CSMD1: variants seen among roughly 807,000 people sequenced by gnomAD.
CSMD1 encodes CUB and sushi domain-containing protein 1.
A neutral mutation model predicts 417.5 loss-of-function variants in CSMD1; 213 were observed. The observed-to-expected ratio is 0.51, with a 90% CI of 0.46 to 0.57. CSMD1 has a LOEUF of 0.57. Among genes scored for constraint, CSMD1 ranks in the 20% least tolerant of loss-of-function variants. CSMD1 has a pLI of 0.00. For synonymous variants in CSMD1, 2,862 were observed against 1,736.8 expected (o/e 1.65, Z -16.11); for missense variants, 6,923 against 4,529.7 (o/e 1.53, Z -15.17).
intron 40 of CSMD1, among the ~76,000 whole-genome samples, chr8:3,150,028 G>C (rs1819096196): frequency 6.6e-6 from 1 of 152,172 alleles, no homozygotes; most frequent in South Asian, 2.1e-4. Flanking sequence ...AGTTCAATAA[G>C]TTCATGTCTC....
intron 3 of CSMD1, among the ~76,000 whole-genome samples, chr8:4,055,205 T>C (rs1322302257): frequency 1.3e-5 from 2 of 152,210 alleles, no homozygotes; most frequent in Non-Finnish European, 2.9e-5. Context: ...AATTTTCTTA[T>C]TCAATTTTTA....
intron 3 of CSMD1, among the ~76,000 whole-genome samples, chr8:4,286,657 T>C (rs553067404): frequency 1.1e-4 from 16 of 152,158 alleles, no homozygotes; most frequent in Non-Finnish European, 1.5e-4. Context: ...AGAAAGGGGA[T>C]AGCAATCATA....
intron 8 of CSMD1, among the ~76,000 whole-genome samples, chr8:3,616,263 T>C (rs968209499): frequency 2.0e-5 from 3 of 152,172 alleles, no homozygotes; most frequent in African/African-American, 4.8e-5. Context: ...GTTACCCTCA[T>C]GCTGTTCTCA....
chr8:3,851,733 AG>A (rs960682499), intron 5 of CSMD1, among the ~76,000 whole-genome samples: 30 of 152,340 alleles, frequency 2.0e-4, no homozygotes, highest in Admixed American at 1.8e-3. Flanking sequence ...GGAAAGAGAG[AG>A]AACAAGAAGG....
intron 1 of CSMD1, among the ~76,000 whole-genome samples, chr8:4,977,751 G>A (rs1426188463): frequency 6.6e-6 from 1 of 152,126 alleles, no homozygotes; most frequent in Non-Finnish European, 1.5e-5. Context: ...TTGCAGGCAG[G>A]TTCACCTGCT....
At chr8:4,186,137 T>A (rs930084220) in intron 3 of CSMD1, among the ~76,000 whole-genome samples, 1 of 152,104 alleles carries the variant, frequency 6.6e-6, no homozygotes, top group African/African-American at 2.4e-5. Context: ...CGATTTGGCA[T>A]CCAGAGGCCA....
intron 3 of CSMD1, among the ~76,000 whole-genome samples, chr8:4,118,439 A>G (rs1445553275): frequency 1.3e-5 from 2 of 152,078 alleles, no homozygotes; most frequent in Non-Finnish European, 2.9e-5. Flanking sequence ...AAGGATATGG[A>G]CAGTCACTTC....
At position 3,162,199 on chromosome 8, in the gene CSMD1, T is replaced by G. The variant is rs1209166489; in HGVS notation, c.5804A>C (p.Asp1935Ala). The part of the protein sequence containing the change: ...IKIGDRYMVN[D>A]VLSFQCEPGY... Reference sequence around the variant, plus strand: ...GGGCTCGCACTGGAAGGAGAGCACGTCGTTCACCATGTACCGATCTCCGAT... The same window carrying G: ...GGGCTCGCACTGGAAGGAGAGCACGGCGTTCACCATGTACCGATCTCCGAT... Residue 1935 changes from aspartate (D) to alanine (A), a missense_variant, in exon 38 of 70, where the codon GAC becomes GCC. Physicochemically the swap from Asp to Ala is moderately radical, Grantham distance 126. Transcript: ENST00000635120. 1.2e-6 allele frequency: 2 copies of G among 1,610,662 alleles called. No individual in the cohort carries two copies. Among genetic ancestry groups the G allele is most frequent in the Non-Finnish European group, 1.7e-6 (2 of 1,178,632 alleles).
At chr8:3,103,752 A>AAG (rs1284770362) in intron 46 of CSMD1, among the ~76,000 whole-genome samples, 32 of 151,402 alleles carry the variant, frequency 2.1e-4, no homozygotes, top group Non-Finnish European at 3.5e-4. Flanking sequence ...TTTTTTTTAA[A>AAG]AAAAAAAAAT....
intron 1 of CSMD1, among the ~76,000 whole-genome samples, chr8:4,654,037 C>T (rs1253293145): frequency 6.6e-6 from 1 of 152,042 alleles, no homozygotes; most frequent in Non-Finnish European, 1.5e-5. Flanking sequence ...TTCAGATGTC[C>T]AAGTTAAATA....
chr8:3,780,258 G>A (rs945207332), intron 5 of CSMD1, among the ~76,000 whole-genome samples: 2 of 152,166 alleles, frequency 1.3e-5, no homozygotes, highest in Non-Finnish European at 2.9e-5. Flanking sequence ...GTTCTTCCAT[G>A]CTCAGAAATA....
chr8:3,628,868 G>GTTT (rs570765360), intron 7 of CSMD1, among the ~76,000 whole-genome samples: 4 of 149,668 alleles, frequency 2.7e-5, no homozygotes, highest in South Asian at 2.1e-4. Flanking sequence ...AATAATCTAA[G>GTTT]TTTTTTTAAA....
intron 17 of CSMD1, among the ~76,000 whole-genome samples, chr8:3,389,168 G>C (rs1395395610): frequency 3.9e-5 from 6 of 152,018 alleles, no homozygotes; most frequent in Admixed American, 1.3e-4. Flanking sequence ...TGTTACATTG[G>C]TAAACTTTTG....
chr8:4,311,885 AATAATACATGCAACGAACCCCC>A (rs1358064605), intron 3 of CSMD1, among the ~76,000 whole-genome samples: 2 of 152,102 alleles, frequency 1.3e-5, no homozygotes, highest in African/African-American at 4.8e-5. Flanking sequence ...TGGGTGATCA[AATAATACATGCAACGAACCCCC>A]ATGACACTTA....
rs1799256486 is a variant in CSMD1 at position 3,237,878 on chromosome 8, CT to C, written c.4154-7648del. ...TATAAATATAATTTTTATAATTATA[CT>C]ATAAATATAATTTTTATAATTATAC... On this transcript the variant is annotated intron_variant, in intron 26 of 69. Transcript: ENST00000635120. Among the ~76,000 whole-genome samples, 2 of 128,334 alleles carry C rather than the reference CT, an allele frequency of 1.6e-5. 1 individual carries two copies. Among genetic ancestry groups the C allele is most frequent in the Non-Finnish European group, 3.3e-5 (2 of 60,688 alleles). 84.2% of individuals were successfully genotyped at this position (128,334 alleles called of 152,430 possible).
intron 3 of CSMD1, among the ~76,000 whole-genome samples, chr8:4,169,454 C>T (rs1307561973): frequency 6.6e-6 from 1 of 152,142 alleles, no homozygotes; most frequent in Non-Finnish European, 1.5e-5. Context: ...TAGTTTTCTT[C>T]AACATATCCC....
At chr8:4,767,824 A>G in intron 1 of CSMD1, among the ~76,000 whole-genome samples, 1 of 152,186 alleles carries the variant, frequency 6.6e-6, no homozygotes, top group East Asian at 1.9e-4. Flanking sequence ...GAGGCACTGG[A>G]GCACCCAACT....
intron 1 of CSMD1, among the ~76,000 whole-genome samples, chr8:4,860,826 C>T (rs1245403711): frequency 1.3e-5 from 2 of 152,080 alleles, no homozygotes; most frequent in Non-Finnish European, 2.9e-5. Context: ...GCAGTGTCCC[C>T]AACACAGCAT....
At chr8:3,988,906 T>C (rs1814532113) in intron 5 of CSMD1, among the ~76,000 whole-genome samples, 1 of 152,080 alleles carries the variant, frequency 6.6e-6, no homozygotes, top group Admixed American at 6.5e-5. Context: ...AAGATCAATG[T>C]TTTAAAAGTT....
Sources: gnomAD v4.1 joint callset for allele counts (sites outside exome capture counted in the v4.1 genomes callset) on GRCh38, gnomAD v4.1.1 for gene constraint, MANE v1.5 for transcripts, NCBI Gene and HGNC (gene_info 2026-07-23, HGNC 2026-07-21) for gene names.